Variants in PTPRD observed in about 807,000 individuals in gnomAD.
PTPRD encodes the protein receptor-type tyrosine-protein phosphatase delta.
A neutral mutation model predicts 214.5 loss-of-function variants in PTPRD; 34 were observed. The ratio of observed to expected loss-of-function variants is 0.16; its 90% CI spans 0.12 to 0.21. The LOEUF (loss-of-function observed/expected upper bound fraction) is 0.21, where lower values mean the gene tolerates loss of function less well. Among genes scored for constraint, PTPRD ranks in the 10% least tolerant of loss-of-function variants. The pLI, the probability that PTPRD is intolerant of heterozygous loss-of-function variation, is 1.00. For missense variants in PTPRD, 2,545 were observed against 2,398.7 expected, an observed-to-expected ratio of 1.06 and a Z score of -1.27; for synonymous variants, 1,128 against 845.7, an observed-to-expected ratio of 1.33 and a Z score of -5.79.
chr9:8,661,083 T>C (rs1015312254), intron 12 of PTPRD, among the ~76,000 whole-genome samples: 1 of 152,146 alleles, frequency 6.6e-6, no homozygotes, highest in Admixed American at 6.5e-5. Flanking sequence ...TTTCTGGTTA[T>C]AGAACAGTCC....
chr9:8,400,632 C>T (rs777223309), intron 36 of PTPRD, among the ~76,000 whole-genome samples: 12 of 152,114 alleles, frequency 7.9e-5, no homozygotes, highest in Non-Finnish European at 1.2e-4. Context: ...CATCCTGCAC[C>T]GGTAGGAAAG....
intron 5 of PTPRD, among the ~76,000 whole-genome samples, chr9:9,822,145 G>A (rs2050975240): frequency 6.6e-6 from 1 of 150,888 alleles, no homozygotes; most frequent in Non-Finnish European, 1.5e-5. Flanking sequence ...GGATGTGGTG[G>A]CTCACTCCTG....
chr9:9,571,383 T>C (rs2086354655), intron 8 of PTPRD, among the ~76,000 whole-genome samples: 1 of 151,352 alleles, frequency 6.6e-6, no homozygotes, highest in South Asian at 2.1e-4. Context: ...CATATAACAG[T>C]ATTCTGTAGT....
At chr9:10,180,464 C>T (rs1270367044) in intron 3 of PTPRD, among the ~76,000 whole-genome samples, 1 of 151,904 alleles carries the variant, frequency 6.6e-6, no homozygotes, top group African/African-American at 2.4e-5. Flanking sequence ...TATTATATTT[C>T]TGGTGGATCA....
At chr9:8,682,324 TAAC>T (rs1005825756) in intron 12 of PTPRD, among the ~76,000 whole-genome samples, 12 of 152,188 alleles carry the variant, frequency 7.9e-5, no homozygotes, top group African/African-American at 2.7e-4. Flanking sequence ...AAACAAAAAC[TAAC>T]AACAGGAGTT....
intron 39 of PTPRD, among the ~76,000 whole-genome samples, chr9:8,345,550 T>C (rs560115331): frequency 2.4e-4 from 36 of 152,022 alleles, no homozygotes; most frequent in Non-Finnish European, 4.9e-4. Context: ...CAAGGGAGTA[T>C]GGGAAACATC....
At chr9:9,487,475 G>T (rs898289176) in intron 8 of PTPRD, among the ~76,000 whole-genome samples, 1 of 152,046 alleles carries the variant, frequency 6.6e-6, no homozygotes, top group African/African-American at 2.4e-5. Flanking sequence ...GGATATTTGG[G>T]TCGGTTCCAA....
At chr9:8,921,459 G>A (rs2098827338) in intron 11 of PTPRD, among the ~76,000 whole-genome samples, 1 of 151,844 alleles carries the variant, frequency 6.6e-6, no homozygotes, top group South Asian at 2.1e-4. Flanking sequence ...GAGGATGTGG[G>A]GCTTATGAAT....
At chr9:9,713,664 A>T (rs993356675) in intron 7 of PTPRD, among the ~76,000 whole-genome samples, 32 of 152,122 alleles carry the variant, frequency 2.1e-4, no homozygotes, top group African/African-American at 7.0e-4. Context: ...GAGCTTCATA[A>T]ATCACCGTTT....
intron 2 of PTPRD, among the ~76,000 whole-genome samples, chr9:10,386,190 T>C (rs991432962): frequency 3.3e-5 from 5 of 151,842 alleles, no homozygotes; most frequent in African/African-American, 1.2e-4. Context: ...AGAGCGAGTT[T>C]ATATTTCTGA....
At chr9:10,549,142 A>G (rs914297657) in intron 2 of PTPRD, among the ~76,000 whole-genome samples, 1 of 152,194 alleles carries the variant, frequency 6.6e-6, no homozygotes, top group South Asian at 2.1e-4. Flanking sequence ...TCAGGATTAT[A>G]GAATAATTGT....
At chr9:8,926,129 C>T (rs1274646943) in intron 11 of PTPRD, among the ~76,000 whole-genome samples, 5 of 151,986 alleles carry the variant, frequency 3.3e-5, no homozygotes, top group Non-Finnish European at 7.4e-5. Flanking sequence ...ACATGACGTG[C>T]CCTCTTCCAT....
At chr9:10,096,554 T>C (rs946244825) in intron 3 of PTPRD, among the ~76,000 whole-genome samples, 11 of 151,984 alleles carry the variant, frequency 7.2e-5, no homozygotes, top group Non-Finnish European at 1.3e-4. Context: ...GAAGTGTCTG[T>C]TCATGTCCAA....
intron 14 of PTPRD, among the ~76,000 whole-genome samples, chr9:8,597,561 A>G (rs1156706869): frequency 2.0e-5 from 3 of 152,222 alleles, no homozygotes; most frequent in Admixed American, 1.3e-4. Context: ...AAAAGGAAGA[A>G]GGAAAGATCA....
At chr9:10,271,012 A>G (rs974979045) in intron 3 of PTPRD, among the ~76,000 whole-genome samples, 3 of 152,086 alleles carry the variant, frequency 2.0e-5, no homozygotes, top group African/African-American at 7.2e-5. Flanking sequence ...AAATGTAGAG[A>G]TAGGGTCTTG....
At chr9:9,451,068 A>G (rs1368658502) in intron 8 of PTPRD, among the ~76,000 whole-genome samples, 1 of 151,730 alleles carries the variant, frequency 6.6e-6, no homozygotes, top group African/African-American at 2.4e-5. Context: ...GTCAAAGAAT[A>G]AAAAAGCAAA....
intron 6 of PTPRD, among the ~76,000 whole-genome samples, chr9:9,738,439 CTTTTT>C (rs71319292): frequency 2.4e-4 from 18 of 76,518 alleles, no homozygotes; most frequent in African/African-American, 1.1e-3. Flanking sequence ...CACTCACTCA[CTTTTT>C]TTTTTTTTTT....
intron 12 of PTPRD, 115 bp from the exon 13 acceptor site, chr9:8,636,959 TTAC>T: frequency 1.9e-6 from 2 of 1,027,668 alleles, no homozygotes; most frequent in Non-Finnish European, 2.8e-6. Flanking sequence ...ACATACATTT[TTAC>T]AATGCACTAT....
intron 3 of PTPRD, among the ~76,000 whole-genome samples, chr9:10,257,012 A>T (rs1040550555): frequency 6.6e-6 from 1 of 152,202 alleles, no homozygotes; most frequent in South Asian, 2.1e-4. Context: ...TGGAGCACAT[A>T]TATCTGATTG....
Sources: allele counts gnomAD v4.1 joint callset (sites outside exome capture counted in the v4.1 genomes callset), GRCh38; gene constraint gnomAD v4.1.1; transcripts MANE v1.5; gene names NCBI Gene and HGNC (gene_info 2026-07-23, HGNC 2026-07-21).